Variants in EXOC4 observed in about 807,000 individuals in gnomAD.
EXOC4 encodes SEC8-like 1.
A neutral mutation model predicts 107.2 loss-of-function variants in EXOC4; 71 were observed. The ratio of observed to expected loss-of-function variants is 0.66; its 90% CI spans 0.55 to 0.81. EXOC4 has a LOEUF of 0.81. Ranked by LOEUF, EXOC4 falls within the 30% of genes least tolerant of loss-of-function variation. The pLI, the probability that EXOC4 is intolerant of heterozygous loss-of-function variation, is 0.00. For missense variants in EXOC4, 1,108 were observed against 1,189.6 expected (o/e 0.93, Z 1.01); for synonymous variants, 456 against 441.2 (o/e 1.03, Z -0.42).
intron 10 of EXOC4, among the ~76,000 whole-genome samples, chr7:133,724,016 TTA>T (rs1795162799): frequency 6.6e-6 from 1 of 152,184 alleles, no homozygotes; most frequent in Non-Finnish European, 1.5e-5. Context: ...TATATATATA[TTA>T]AAAAAACTTA....
chr7:134,005,949 C>G (rs1365795795), intron 16 of EXOC4, among the ~76,000 whole-genome samples: 1 of 152,132 alleles, frequency 6.6e-6, no homozygotes, highest in Admixed American at 6.5e-5. Flanking sequence ...GAGATGTGTT[C>G]TGTTGGGGTA....
intron 12 of EXOC4, among the ~76,000 whole-genome samples, chr7:133,908,526 G>A (rs1354211406): frequency 6.6e-6 from 1 of 152,232 alleles, no homozygotes; most frequent in Admixed American, 6.5e-5. Flanking sequence ...AGAACAGCGG[G>A]TCTGGGTTCA....
At chr7:133,620,276 C>T (rs1195010689) in intron 9 of EXOC4, among the ~76,000 whole-genome samples, 1 of 152,118 alleles carries the variant, frequency 6.6e-6, no homozygotes, top group Non-Finnish European at 1.5e-5. Flanking sequence ...ATCCACCCGC[C>T]TCAGCCTCCC....
intron 11 of EXOC4, among the ~76,000 whole-genome samples, chr7:133,878,683 T>A (rs891533934): frequency 6.6e-6 from 1 of 152,142 alleles, no homozygotes; most frequent in African/African-American, 2.4e-5. Context: ...GGATGTTCAT[T>A]TCTGCAATTT....
intron 4 of EXOC4, among the ~76,000 whole-genome samples, chr7:133,306,586 A>G (rs922780893): frequency 1.3e-5 from 2 of 152,078 alleles, no homozygotes; most frequent in African/African-American, 4.8e-5. Flanking sequence ...TGTAATCTCA[A>G]CTACTCCAGA....
intron 12 of EXOC4, among the ~76,000 whole-genome samples, chr7:133,900,636 A>G (rs1002964281): frequency 2.6e-5 from 4 of 152,132 alleles, no homozygotes; most frequent in African/African-American, 4.8e-5. Flanking sequence ...AAGCAAGAGT[A>G]TAGAGATAGA....
intron 9 of EXOC4, among the ~76,000 whole-genome samples, chr7:133,571,164 C>T (rs921533036): frequency 6.6e-6 from 1 of 152,130 alleles, no homozygotes; most frequent in Non-Finnish European, 1.5e-5. Flanking sequence ...AGCTCTAGAT[C>T]ATGTAATGGT....
chr7:133,362,718 C>A (rs1584853046), intron 6 of EXOC4, among the ~76,000 whole-genome samples: 1 of 152,230 alleles, frequency 6.6e-6, no homozygotes, highest in East Asian at 1.9e-4. Context: ...AGTATGAATA[C>A]AATGTTTATG....
chr7:133,923,881 T>C (rs1799993693), intron 13 of EXOC4, among the ~76,000 whole-genome samples: 1 of 152,210 alleles, frequency 6.6e-6, no homozygotes, highest in South Asian at 2.1e-4. Flanking sequence ...GAATATATTT[T>C]CCCCCTGCAT....
At chr7:133,303,302 C>G (rs1458308604) in intron 3 of EXOC4, among the ~76,000 whole-genome samples, 1 of 152,138 alleles carries the variant, frequency 6.6e-6, no homozygotes, top group Non-Finnish European at 1.5e-5. Context: ...GGCATGGGGG[C>G]AGGCATCTGT....
At chr7:133,304,793 T>C (rs1794716163) in intron 3 of EXOC4, among the ~76,000 whole-genome samples, 1 of 152,234 alleles carries the variant, frequency 6.6e-6, no homozygotes, top group African/African-American at 2.4e-5. Flanking sequence ...TTAAGGGTTT[T>C]ACCCTGAAGT....
intron 10 of EXOC4, among the ~76,000 whole-genome samples, chr7:133,773,503 G>T (rs910931931): frequency 4.8e-5 from 7 of 145,972 alleles, no homozygotes; most frequent in Admixed American, 4.0e-4. Context: ...TTTTCTTTTT[G>T]AGCTCCCTGG....
intron 7 of EXOC4, among the ~76,000 whole-genome samples, chr7:133,380,857 G>A (rs1796603445): frequency 6.6e-6 from 1 of 152,122 alleles, no homozygotes; most frequent in Non-Finnish European, 1.5e-5. Context: ...AAAGGTGAGA[G>A]GTCTGACATA....
intron 10 of EXOC4, among the ~76,000 whole-genome samples, chr7:133,718,071 C>T (rs568545485): frequency 2.0e-5 from 3 of 152,268 alleles, no homozygotes; most frequent in Admixed American, 1.3e-4. Flanking sequence ...AGTCTCCATT[C>T]ATCATGCACC....
At chr7:133,468,544 T>C (rs1487958632) in intron 7 of EXOC4, among the ~76,000 whole-genome samples, 3 of 152,210 alleles carry the variant, frequency 2.0e-5, no homozygotes, top group Non-Finnish European at 4.4e-5. Context: ...GCTGTAATGT[T>C]TTCAGGAATC....
At chr7:133,955,039 T>C (rs115829641) in intron 14 of EXOC4, among the ~76,000 whole-genome samples, 1,816 of 152,316 alleles carry the variant, frequency 0.012, 48 homozygotes, top group African/African-American at 0.041. Flanking sequence ...CATCTGGGCT[T>C]CCCAAGGGGC....
the EXOC4 span, among the ~76,000 whole-genome samples, chr7:134,082,106 G>A: frequency 6.6e-6 from 1 of 152,168 alleles, no homozygotes; most frequent in Non-Finnish European, 1.5e-5. Flanking sequence ...GTGAAAGCAA[G>A]TTTATTAGGA....
At chr7:133,942,721 C>T (rs1475971825) in intron 14 of EXOC4, among the ~76,000 whole-genome samples, 1 of 152,154 alleles carries the variant, frequency 6.6e-6, no homozygotes, top group Non-Finnish European at 1.5e-5. Flanking sequence ...CCTATTAAAC[C>T]ATTCCAGCAG....
intron 7 of EXOC4, among the ~76,000 whole-genome samples, chr7:133,380,988 C>T (rs931238450): frequency 6.6e-6 from 1 of 152,086 alleles, no homozygotes; most frequent in African/African-American, 2.4e-5. Context: ...AACTATCTAC[C>T]TTTCTGCCCT....
Sources: allele counts gnomAD v4.1 joint callset (sites outside exome capture counted in the v4.1 genomes callset), GRCh38; gene constraint gnomAD v4.1.1; transcripts MANE v1.5; gene names NCBI Gene and HGNC (gene_info 2026-07-23, HGNC 2026-07-21).